Variants in RALGAPA2 observed in about 807,000 individuals in gnomAD.
RALGAPA2 encodes ral GTPase-activating protein subunit alpha-2.
Under a neutral mutation model 230.4 loss-of-function variants are expected in RALGAPA2, and 139 were observed. That is an observed-to-expected ratio of 0.60 (90% CI 0.53 to 0.69). RALGAPA2 has a LOEUF of 0.69. RALGAPA2 is among the 30% of genes least tolerant of loss of function. RALGAPA2 has a pLI of 0.00. For synonymous variants in RALGAPA2, 847 were observed against 837.8 expected, an observed-to-expected ratio of 1.01 and a Z score of -0.19; for missense variants, 2,163 against 2,276.0, an observed-to-expected ratio of 0.95 and a Z score of 1.01.
chr20:20,397,710 A>G (rs550594211), intron 38 of RALGAPA2, among the ~76,000 whole-genome samples: 1 of 152,350 alleles, frequency 6.6e-6, no homozygotes, highest in South Asian at 2.1e-4. Flanking sequence ...AACTTCTAAG[A>G]TGGTGGCTCC....
chr20:20,403,361 G>C (rs561565048), intron 38 of RALGAPA2, among the ~76,000 whole-genome samples: 54 of 152,282 alleles, frequency 3.5e-4, no homozygotes, highest in African/African-American at 1.1e-3. Flanking sequence ...GCTGCAGTTC[G>C]CATCTACTTA....
intron 36 of RALGAPA2, among the ~76,000 whole-genome samples, chr20:20,477,659 C>T (rs2061682543): frequency 6.6e-6 from 1 of 152,144 alleles, no homozygotes; most frequent in Non-Finnish European, 1.5e-5. Context: ...AATCTTGGCT[C>T]ACAGCAACCT....
At chr20:20,587,676 A>T (rs1428227698) in intron 18 of RALGAPA2, among the ~76,000 whole-genome samples, 1 of 152,166 alleles carries the variant, frequency 6.6e-6, no homozygotes, top group Non-Finnish European at 1.5e-5. Flanking sequence ...ACTTCTGTTC[A>T]TCAAAAGATA....
chr20:20,567,156 T>C (rs917908955), intron 23 of RALGAPA2, among the ~76,000 whole-genome samples: 1 of 152,230 alleles, frequency 6.6e-6, no homozygotes, highest in Non-Finnish European at 1.5e-5. Context: ...AACCTTCCAG[T>C]CTCTGATACA....
intron 38 of RALGAPA2, among the ~76,000 whole-genome samples, chr20:20,409,757 G>A (rs570556019): frequency 2.0e-5 from 3 of 152,330 alleles, no homozygotes; most frequent in Admixed American, 1.3e-4. Context: ...TTCCGAAAAC[G>A]TGCTTGTCTA....
At chr20:20,524,688 G>C in intron 29 of RALGAPA2, 142 bp downstream of exon 29, 1 of 1,290,576 alleles carries the variant, frequency 7.7e-7, no homozygotes, top group Non-Finnish European at 1.1e-6. Flanking sequence ...AAATAAATAA[G>C]TAGCATTTTC....
chr20:20,433,312 T>C (rs2060537890), intron 37 of RALGAPA2, among the ~76,000 whole-genome samples: 1 of 152,174 alleles, frequency 6.6e-6, no homozygotes. Flanking sequence ...TTCCACCTAG[T>C]AATTTAACCA....
chr20:20,440,268 C>T (rs554342533), intron 37 of RALGAPA2, among the ~76,000 whole-genome samples: 2 of 152,090 alleles, frequency 1.3e-5, no homozygotes, highest in African/African-American at 2.4e-5. Context: ...CTATGGAATT[C>T]GGGCCAAAAT....
At chr20:20,559,927 T>C (rs938193577) in intron 23 of RALGAPA2, among the ~76,000 whole-genome samples, 7 of 152,230 alleles carry the variant, frequency 4.6e-5, no homozygotes, top group Non-Finnish European at 1.0e-4. Context: ...TTCATAATTA[T>C]TATTTTTATT....
chr20:20,460,021 C>A (rs2061264838), intron 37 of RALGAPA2, among the ~76,000 whole-genome samples: 1 of 152,228 alleles, frequency 6.6e-6, no homozygotes. Context: ...GGCCACTCAC[C>A]TCTGCCTGCC....
At chr20:20,561,119 T>C (rs1386358210) in intron 23 of RALGAPA2, among the ~76,000 whole-genome samples, 2 of 152,240 alleles carry the variant, frequency 1.3e-5, no homozygotes, top group African/African-American at 4.8e-5. Context: ...TTGGACTGAA[T>C]ACTTTAGAGC....
intron 23 of RALGAPA2, among the ~76,000 whole-genome samples, chr20:20,551,395 T>G: frequency 6.6e-6 from 1 of 152,228 alleles, no homozygotes; most frequent in East Asian, 1.9e-4. Context: ...TGTTGCAATA[T>G]AGTGAACAGA....
At chr20:20,636,534 C>A (rs369315835) in intron 8 of RALGAPA2, among the ~76,000 whole-genome samples, 24 of 125,198 alleles carry the variant, frequency 1.9e-4, no homozygotes, top group African/African-American at 7.4e-4. Flanking sequence ...TTTGGCTTCT[C>A]TCCCCGTGTG....
intron 18 of RALGAPA2, among the ~76,000 whole-genome samples, chr20:20,586,783 T>A (rs1321631842): frequency 6.6e-6 from 1 of 151,978 alleles, no homozygotes; most frequent in African/African-American, 2.4e-5. Context: ...GATAAAATTA[T>A]CCAGGAAACA....
intron 37 of RALGAPA2, among the ~76,000 whole-genome samples, chr20:20,442,639 C>T (rs983363503): frequency 9.2e-5 from 14 of 152,352 alleles, no homozygotes; most frequent in Admixed American, 7.2e-4. Context: ...CTTCCTAAAG[C>T]AGACTGGTAT....
intron 16 of RALGAPA2, among the ~76,000 whole-genome samples, chr20:20,597,305 G>A (rs1326265469): frequency 6.6e-6 from 1 of 152,058 alleles, no homozygotes; most frequent in Non-Finnish European, 1.5e-5. Flanking sequence ...AAATAATTGG[G>A]CAGTTAAAAC....
chr20:20,573,380 G>A (rs1449673016), intron 20 of RALGAPA2, among the ~76,000 whole-genome samples: 1 of 152,156 alleles, frequency 6.6e-6, no homozygotes, highest in African/African-American at 2.4e-5. Flanking sequence ...ACAGTGCCAT[G>A]GAAATGGGTG....
At chr20:20,687,738 T>C (rs2068757627) in intron 1 of RALGAPA2, among the ~76,000 whole-genome samples, 4 of 152,182 alleles carry the variant, frequency 2.6e-5, no homozygotes, top group Non-Finnish European at 5.9e-5. Flanking sequence ...GAAATGGTGG[T>C]GCAGAAGAAG....
chr20:20,493,328 C>T (rs1051858177), intron 36 of RALGAPA2, among the ~76,000 whole-genome samples: 1 of 152,110 alleles, frequency 6.6e-6, no homozygotes, highest in African/African-American at 2.4e-5. Flanking sequence ...TCCAGTTGGC[C>T]ATTATTCTCT....
Sources: allele counts gnomAD v4.1 joint callset (sites outside exome capture counted in the v4.1 genomes callset), GRCh38; gene constraint gnomAD v4.1.1; transcripts MANE v1.5; gene names NCBI Gene and HGNC (gene_info 2026-07-23, HGNC 2026-07-21).